Variants in TRPM7 observed in about 807,000 individuals in gnomAD.
The protein encoded by TRPM7 is transient receptor potential cation channel subfamily M member 7.
TRPM7 carries 134 observed loss-of-function variants against 229.7 expected under a neutral mutation model. The observed-to-expected ratio is 0.58, with a 90% CI of 0.51 to 0.67. The LOEUF is 0.67. Ranked by LOEUF, TRPM7 falls within the 30% of genes least tolerant of loss-of-function variation. TRPM7 has a pLI of 0.00. For synonymous variants in TRPM7, 699 were observed against 715.2 expected, an observed-to-expected ratio of 0.98 and a Z score of 0.36; for missense variants, 1,901 against 2,210.0, an observed-to-expected ratio of 0.86 and a Z score of 2.80.
At chr15:50,566,471 G>A (rs2053602793) in intron 38 of TRPM7, among the ~76,000 whole-genome samples, 1 of 152,102 alleles carries the variant, frequency 6.6e-6, no homozygotes, top group African/African-American at 2.4e-5. Flanking sequence ...GCCGAGTCGG[G>A]TAGATCACGA....
At position 50,675,945 on chromosome 15, in the gene TRPM7, T is replaced by A. The variant is rs549220871; in HGVS notation, c.3+10586A>T. 2.7e-4 allele frequency among the ~76,000 whole-genome samples: 41 copies of A among 152,312 alleles called. 1 individual carries two copies. Among genetic ancestry groups the A allele is most frequent in the Middle Eastern group, 6.8e-3 (2 of 294 alleles). The stretch of plus-strand genomic sequence containing the variant: ...TACTATGTGTGCAACCTTGTGCAAG[T>A]TTCAGAGCCTCTTTTTGCTTCCTTA... On this transcript the variant is annotated intron_variant, in intron 1 of 38. Transcript: ENST00000646667.
At position 50,592,045 on chromosome 15, in the gene TRPM7, G is replaced by A; in HGVS notation, c.4190C>T (p.Pro1397Leu). ...TGTACTAACAAAAAATTTGGTTGGT[G>A]GGGATGACAGATGTGGTATGCTAGT... is the stretch of plus-strand genomic sequence containing the variant. ...SSTSIPHLSSPPTKFFVSTPS... is the reference protein window; with the variant it reads ...SSTSIPHLSSLPTKFFVSTPS... The change falls in exon 26 of 39, where the codon CCA (proline) becomes CTA (leucine). Residue 1397 changes from proline (P) to leucine (L), a missense_variant. Around this residue, in one of 8 missense-constraint regions of TRPM7, gnomAD observed 533 missense variants for 497.1 expected, o/e 1.07. Coordinates refer to ENST00000646667, the MANE Select transcript of TRPM7 (RefSeq NM_017672.6). 2 of 1,613,464 alleles carry A rather than the reference G, an allele frequency of 1.2e-6. No homozygotes were observed. The highest frequency in any genetic ancestry group is 1.7e-6 in the Non-Finnish European group (2 of 1,179,770).
intron 12 of TRPM7, among the ~76,000 whole-genome samples, chr15:50,621,797 G>A (rs528293078): frequency 2.0e-5 from 3 of 152,222 alleles, no homozygotes; most frequent in Admixed American, 6.5e-5. Context: ...TTGGGAGGTC[G>A]AGGCAGTGGA....
intron 30 of TRPM7, among the ~76,000 whole-genome samples, chr15:50,578,995 C>T (rs1037478168): frequency 1.1e-4 from 16 of 152,036 alleles, no homozygotes; most frequent in African/African-American, 3.9e-4. Flanking sequence ...AGATTCATTC[C>T]AGTACTGTAA....
chr15:50,636,749 G>T (rs922959108), intron 7 of TRPM7, among the ~76,000 whole-genome samples: 2 of 152,080 alleles, frequency 1.3e-5, no homozygotes, highest in African/African-American at 4.8e-5. Flanking sequence ...TAAATTTTAA[G>T]CTGATTTATT....
intron 28 of TRPM7, among the ~76,000 whole-genome samples, chr15:50,584,118 C>G (rs1235024758): frequency 6.6e-6 from 1 of 151,708 alleles, no homozygotes; most frequent in Non-Finnish European, 1.5e-5. Flanking sequence ...AGCCTACTTC[C>G]AAAAAAAGTC....
At chr15:50,683,401 TC>T (rs1190822667) in intron 1 of TRPM7, among the ~76,000 whole-genome samples, 3 of 151,346 alleles carry the variant, frequency 2.0e-5, no homozygotes, top group African/African-American at 7.3e-5. Context: ...AGATCAGGCA[TC>T]AGACAACACG....
At chr15:50,647,148 T>G (rs1311265378) in intron 4 of TRPM7, among the ~76,000 whole-genome samples, 1 of 152,184 alleles carries the variant, frequency 6.6e-6, no homozygotes, top group Non-Finnish European at 1.5e-5. Flanking sequence ...TTTTTCTTTT[T>G]TTGAGACAGT....
At chr15:50,649,098 T>C (rs180745243) in intron 3 of TRPM7, among the ~76,000 whole-genome samples, 1 of 152,072 alleles carries the variant, frequency 6.6e-6, no homozygotes, top group Non-Finnish European at 1.5e-5. Context: ...GAATTCATCA[T>C]CTAAATTTAA....
At chr15:50,647,686 C>A (rs955014192) in intron 4 of TRPM7, among the ~76,000 whole-genome samples, 5 of 151,978 alleles carry the variant, frequency 3.3e-5, no homozygotes, top group Non-Finnish European at 7.4e-5. Flanking sequence ...CCGGAGGTTG[C>A]AGTGAGCCGA....
chr15:50,580,333 T>C (rs887570075), intron 30 of TRPM7, among the ~76,000 whole-genome samples: 5 of 152,202 alleles, frequency 3.3e-5, no homozygotes, highest in African/African-American at 1.2e-4. Context: ...CTAAAAAGTT[T>C]TACTTTCTGG....
At position 50,575,108 on chromosome 15, in the gene TRPM7, T is replaced by C. The variant is rs747012382; in HGVS notation, c.4763A>G (p.Glu1588Gly). ...RGEPVTVYRL[E>G]ESSPNILNNS... Reference sequence around the variant, plus strand: ...ATTTAGTATGTTGGGTGAACTCTCTTCCAAACGATACACTGTGACAGGCTC... The same window carrying C: ...ATTTAGTATGTTGGGTGAACTCTCTCCCAAACGATACACTGTGACAGGCTC... The change falls in exon 34 of 39, where the codon GAA (glutamate) becomes GGA (glycine). Residue 1588 changes from glutamate to glycine, a missense_variant. Glu to Gly is a moderately conservative substitution (Grantham distance 98). This residue lies in a region of TRPM7 where 257 missense variants were observed against 352.0 expected (regional missense o/e 0.73). Coordinates refer to ENST00000646667, the MANE Select transcript of TRPM7 (RefSeq NM_017672.6). 1 of 1,612,132 alleles carries C rather than the reference T, an allele frequency of 6.2e-7. No homozygotes were observed. Among genetic ancestry groups the C allele is most frequent in the East Asian group, 2.2e-5 (1 of 44,830 alleles).
At chr15:50,568,111 C>CAAAAAAA (rs57093955) in intron 38 of TRPM7, among the ~76,000 whole-genome samples, 7 of 81,434 alleles carry the variant, frequency 8.6e-5, no homozygotes, top group Admixed American at 1.5e-4. Flanking sequence ...GACTCTGTCT[C>CAAAAAAA]AAAAAAAAAA....
intron 36 of TRPM7, among the ~76,000 whole-genome samples, chr15:50,571,871 T>G (rs1269402381): frequency 6.6e-6 from 1 of 152,218 alleles, no homozygotes; most frequent in Non-Finnish European, 1.5e-5. Flanking sequence ...TACATAAACT[T>G]TGTTGATAAA....
In TRPM7 at chr15:50,614,171, A is replaced by C. The variant is rs772154385; in HGVS notation, c.1587T>G (p.Thr529=). 1.7e-5 allele frequency: 27 copies of C among 1,612,778 alleles called. No individual in the cohort carries two copies. Among genetic ancestry groups the C allele is most frequent in the Non-Finnish European group, 2.3e-5 (27 of 1,179,424 alleles). ...LMGGTYRCTY[T]RKRFRLIYNS... Reference sequence around the variant, plus strand: ...TATATATTAATCGAAAACGTTTCCTAGTATAGGTGCATCTGTAGGTTCCTC... The same window carrying C: ...TATATATTAATCGAAAACGTTTCCTCGTATAGGTGCATCTGTAGGTTCCTC... The change falls in exon 14 of 39, where the codon ACT becomes ACG. Residue 529 remains threonine, a synonymous_variant. Transcript: ENST00000646667.
At chr15:50,678,005 C>T (rs968545311) in intron 1 of TRPM7, among the ~76,000 whole-genome samples, 9 of 151,684 alleles carry the variant, frequency 5.9e-5, no homozygotes, top group Non-Finnish European at 1.2e-4. Context: ...TTTGGGAGGC[C>T]GAGGCGGGCG....
chr15:50,628,145 A>C lies in TRPM7; in HGVS notation c.1305+4T>G. On this transcript the variant is annotated splice_donor_region_variant and intron_variant, in intron 11 of 38. Coordinates refer to ENST00000646667, the MANE Select transcript of TRPM7 (RefSeq NM_017672.6). Reference sequence around the variant, plus strand: ...TGTATTGTGTATGTAGATTATTTACATACCAGCCACTGCTGTCCATAAACA... The same window carrying C: ...TGTATTGTGTATGTAGATTATTTACCTACCAGCCACTGCTGTCCATAAACA... The C allele has an allele frequency of 6.3e-7, 1 of 1,592,406 alleles. No homozygotes were observed. Among genetic ancestry groups the C allele is most frequent in the Non-Finnish European group, 8.6e-7 (1 of 1,162,806 alleles).
At chr15:50,594,342 A>AT (rs1251896141) in intron 24 of TRPM7, 87 bp downstream of exon 24, 1 of 1,255,190 alleles carries the variant, frequency 8.0e-7, no homozygotes, top group Non-Finnish European at 1.1e-6. Flanking sequence ...CCACTAAGTC[A>AT]TTTTTGAATA....
At chr15:50,612,069 G>A (rs990661305) in intron 16 of TRPM7, among the ~76,000 whole-genome samples, 3 of 152,078 alleles carry the variant, frequency 2.0e-5, no homozygotes, top group African/African-American at 7.2e-5. Flanking sequence ...GCTACTATTT[G>A]CAAAAATTAA....
Sources: allele counts gnomAD v4.1 joint callset (sites outside exome capture counted in the v4.1 genomes callset), GRCh38; gene constraint gnomAD v4.1.1; regional missense constraint gnomAD v4.1.1; transcripts MANE v1.5; gene names NCBI Gene and HGNC (gene_info 2026-07-23, HGNC 2026-07-21).